The following TCF3 variants were observed in gnomAD, a reference collection of about 807,000 sequenced individuals.
TCF3 encodes the protein transcription factor 3.
A neutral mutation model predicts 72.3 loss-of-function variants in TCF3; 54 were observed. That is an observed-to-expected ratio of 0.75 (90% CI 0.60 to 0.94). The LOEUF (loss-of-function observed/expected upper bound fraction) is 0.94. Among genes scored for constraint, TCF3 ranks in the 40% least tolerant of loss-of-function variants. The pLI, the probability that TCF3 is intolerant of heterozygous loss-of-function variation, is 0.00. For synonymous variants in TCF3, 525 were observed against 412.6 expected (o/e 1.27, Z -3.30); for missense variants, 1,078 against 934.4 (o/e 1.15, Z -2.00).
At chr19:1,630,972 G>A (rs568261812) in intron 5 of TCF3, among the ~76,000 whole-genome samples, 38 of 152,326 alleles carry the variant, frequency 2.5e-4, no homozygotes, top group African/African-American at 8.4e-4. Flanking sequence ...GGAGGAGGGC[G>A]TCCCAGTCAG....
intron 18 of TCF3, chr19:1,612,163 G>T (rs760157962): frequency 2.0e-6 from 3 of 1,525,258 alleles, no homozygotes; most frequent in African/African-American, 1.4e-5. Flanking sequence ...CCTGGGTGTG[G>T]GGAAGGGAGA....
Position 1,614,224 on chromosome 19 carries a change from G to T in TCF3, c.1822+1061C>A, listed in dbSNP as rs2061324362. 6.6e-6 allele frequency among the ~76,000 whole-genome samples: 1 copy of T among 152,250 alleles called. No homozygotes were observed. The highest frequency in any genetic ancestry group is 1.5e-5 in the Non-Finnish European group (1 of 68,042). The stretch of plus-strand genomic sequence containing the variant: ...ACTTGCCTGCCCACCCTGCCTTAGG[G>T]GCCTGAGGGGATCCCTCCAGGTGGT... On this transcript the variant is annotated intron_variant, in intron 18 of 18. Transcript: ENST00000262965. The surrounding 1 kb of genome is among the most constrained non-coding windows in gnomAD (Gnocchi z 5.6).
At chr19:1,648,177 C>T (rs1385870600) in intron 2 of TCF3, among the ~76,000 whole-genome samples, 1 of 152,210 alleles carries the variant, frequency 6.6e-6, no homozygotes, top group Non-Finnish European at 1.5e-5. Flanking sequence ...GTTCCCTGTT[C>T]TCTCACTTTA....
At chr19:1,627,602 C>T (rs1056245941) in intron 5 of TCF3, among the ~76,000 whole-genome samples, 176 bp from the exon 6 acceptor site, 3 of 152,002 alleles carry the variant, frequency 2.0e-5, no homozygotes, top group African/African-American at 4.8e-5. Flanking sequence ...AGCCCTGGCC[C>T]CAGTATGCCC....
At position 1,615,038 on chromosome 19, in the gene TCF3, G is replaced by A. The variant is rs1020148213; in HGVS notation, c.1822+247C>T. Among the ~76,000 whole-genome samples the A allele has an allele frequency of 6.6e-6, 1 of 152,136 alleles. No homozygotes were observed. The highest frequency in any genetic ancestry group is 1.5e-5 in the Non-Finnish European group (1 of 68,026). ...AGAGCCCAGGCCTGAAGGACTAGGGGTCCAGAAAGAGTCCAGTCCTCCCAC... is the reference window on the plus strand; with the variant it reads ...AGAGCCCAGGCCTGAAGGACTAGGGATCCAGAAAGAGTCCAGTCCTCCCAC... On this transcript the variant is annotated intron_variant, in intron 18 of 18. Coordinates refer to ENST00000262965, the MANE Select transcript of TCF3 (RefSeq NM_003200.5). This position sits in a 1 kb window ranked among gnomAD's most constrained non-coding sequence, Gnocchi z 7.3.
chr19:1,640,298 G>A (rs557084201), intron 3 of TCF3, among the ~76,000 whole-genome samples: 185 of 152,302 alleles, frequency 1.2e-3, no homozygotes, highest in African/African-American at 4.3e-3. Context: ...CACTTTGGGA[G>A]GCCGAGGCGG....
At chr19:1,638,432 A>G (rs1405267823) in intron 3 of TCF3, among the ~76,000 whole-genome samples, 1 of 152,114 alleles carries the variant, frequency 6.6e-6, no homozygotes, top group African/African-American at 2.4e-5. Flanking sequence ...ACAGGCGCCC[A>G]CCACCGCGCC....
chr19:1,632,899 G>A (rs1204610248), intron 3 of TCF3, among the ~76,000 whole-genome samples: 1 of 152,212 alleles, frequency 6.6e-6, no homozygotes, highest in East Asian at 1.9e-4. Context: ...GTCCCCACCT[G>A]CCAGTGTGGG....
rs1050213323 is a variant in TCF3, at chr19:1,619,252, C to T, written c.1327-18G>A. ...CCTCCAACCTGCAGGCGTGGGGAGACGGGTGCATCAGGGGGAGCCGGGTCC... is the reference window on the plus strand; with the variant it reads ...CCTCCAACCTGCAGGCGTGGGGAGATGGGTGCATCAGGGGGAGCCGGGTCC... On this transcript the variant is annotated intron_variant, in intron 15 of 18. Transcript: ENST00000262965. 17 of 1,582,870 alleles carry T rather than the reference C, an allele frequency of 1.1e-5. No individual in the cohort carries two copies. The highest frequency in any genetic ancestry group is 5.1e-5 in the Admixed American group (3 of 58,802).
Position 1,611,541 on chromosome 19 carries a change from C to G in TCF3, c.*166G>C. The G allele has an allele frequency of 1.0e-6, 1 of 986,846 alleles. No individual in the cohort carries two copies. Among genetic ancestry groups the G allele is most frequent in the South Asian group, 1.8e-5 (1 of 54,838 alleles). The allele number at this position is 986,846 out of a possible 1,614,324, so 61.1% of individuals were successfully genotyped here. A position where few individuals can be genotyped will look rare whatever the true frequency, so the allele number is the denominator to read the frequency against. On this transcript the variant is annotated 3_prime_UTR_variant, in exon 19 of 19. Coordinates refer to ENST00000262965, the MANE Select transcript of TCF3 (RefSeq NM_003200.5). ...AGGGAGCTCCTGGACCCAGTGTCAC[C>G]TTGGCCGCCCCCATCACTCCGAACC...
rs148928381 is a variant in TCF3 at position 1,620,976 on chromosome 19, C to T, written c.1085G>A (p.Gly362Asp). The T allele has an allele frequency of 1.7e-3, 2,612 of 1,509,448 alleles. No individual in the cohort carries two copies. The highest frequency in any genetic ancestry group is 3.3e-3 in the Admixed American group (135 of 40,660). 93.5% of individuals were successfully genotyped at this position (1,509,448 alleles called of 1,614,324 possible). The part of the protein sequence containing the change: ...SPSTPVGSPQ[G>D]LAGTSQWPRA... ...CCAAAACCCTCACAGACCTGCCAGG[C>T]CCTGGGGGGAGCCCACGGGGGTAGA... The change falls in exon 13 of 19, where the codon GGC (glycine) becomes GAC (aspartate). Residue 362 changes from glycine to aspartate, a missense_variant. Physicochemically the swap from Gly to Asp is moderately conservative, Grantham distance 94. Transcript: ENST00000262965.
At chr19:1,620,027 GGATGCT>G (rs775092151) in intron 13 of TCF3, among the ~76,000 whole-genome samples, 174 bp from the exon 14 acceptor site, 25 of 152,174 alleles carry the variant, frequency 1.6e-4, no homozygotes, top group Non-Finnish European at 3.1e-4. Context: ...CGCCAGGCAG[GGATGCT>G]GGGTGCCCAG....
chr19:1,609,573 G>C lies in TCF3; in HGVS notation c.*2134C>G, dbSNP rs1474484638. On this transcript the variant is annotated 3_prime_UTR_variant, in exon 19 of 19. Coordinates refer to ENST00000262965, the MANE Select transcript of TCF3 (RefSeq NM_003200.5). ...TCTATGCAGAACGCACAGTTCCAGA[G>C]GCTATGGGGCCACTGCCCACCCAGA... 1 of 221,978 alleles carries C rather than the reference G, an allele frequency of 4.5e-6. No homozygotes were observed. Among genetic ancestry groups the C allele is most frequent in the Non-Finnish European group, 9.0e-6 (1 of 111,342 alleles). 13.8% of individuals were successfully genotyped at this position (221,978 alleles called of 1,614,324 possible).
chr19:1,619,248 G>A lies in TCF3; in HGVS notation c.1327-14C>T, dbSNP rs774002511. On this transcript the variant is annotated splice_polypyrimidine_tract_variant and intron_variant, in intron 15 of 18. Transcript: ENST00000262965. ...GCTGCCTCCAACCTGCAGGCGTGGG[G>A]AGACGGGTGCATCAGGGGGAGCCGG... The A allele has an allele frequency of 3.8e-6, 6 of 1,585,716 alleles. No homozygotes were observed. Among genetic ancestry groups the A allele is most frequent in the Non-Finnish European group, 5.1e-6 (6 of 1,172,540 alleles).
Position 1,650,286 on chromosome 19 carries a change from C to T in TCF3, c.-38G>A. ...AGGGCGGGCACCTCAGGCCTGGAAA[C>T]CCTGCTTGGTGGATGTGGGGACAGA... On this transcript the variant is annotated splice_region_variant and 5_prime_UTR_variant, in exon 2 of 19. Transcript: ENST00000262965. 2 of 1,542,472 alleles carry T rather than the reference C, an allele frequency of 1.3e-6. No homozygotes were observed. The highest frequency in any genetic ancestry group is 2.4e-5 in the South Asian group (2 of 84,082).
intron 2 of TCF3, among the ~76,000 whole-genome samples, chr19:1,646,828 G>A (rs1268759651): frequency 6.6e-6 from 1 of 152,252 alleles, no homozygotes; most frequent in African/African-American, 2.4e-5. Flanking sequence ...TCTGAAAAGT[G>A]AGAGGTTTAC....
At chr19:1,649,371 GC>G (rs2066639609) in intron 2 of TCF3, among the ~76,000 whole-genome samples, 1 of 152,228 alleles carries the variant, frequency 6.6e-6, no homozygotes, top group African/African-American at 2.4e-5. Context: ...GGTTGTGTCT[GC>G]CCTGTTCACG....
Position 1,621,879 on chromosome 19 carries a change from G to A in TCF3, c.914C>T (p.Ser305Phe), listed in dbSNP as rs141433039. ...CCCGCTGACAGGCGGCGTGTGGCTG[G>A]AGACGCCGCCGTACGTGGCTCCGGG... ...SAPGATYGGV[S>F]SHTPPVSGAD... Residue 305 changes from serine (S) to phenylalanine (F), a missense_variant, in exon 11 of 19, where the codon TCC becomes TTC. By Grantham distance (155) the Ser-to-Phe change is radical. Coordinates refer to ENST00000262965, the MANE Select transcript of TCF3 (RefSeq NM_003200.5). 6.3e-7 allele frequency: 1 copy of A among 1,594,888 alleles called. No individual in the cohort carries two copies. The highest frequency in any genetic ancestry group is 8.5e-7 in the Non-Finnish European group (1 of 1,172,540).
chr19:1,624,380 G>A (rs1248936927), intron 7 of TCF3, among the ~76,000 whole-genome samples: 1 of 152,182 alleles, frequency 6.6e-6, no homozygotes, highest in Non-Finnish European at 1.5e-5. Flanking sequence ...TGGGGACAGA[G>A]AAAGACTCCG....
Sources: gnomAD v4.1 joint callset for allele counts (sites outside exome capture counted in the v4.1 genomes callset) on GRCh38, gnomAD v4.1.1 for gene constraint, Gnocchi (gnomAD v3.1) non-coding constraint, MANE v1.5 for transcripts, NCBI Gene and HGNC (gene_info 2026-07-23, HGNC 2026-07-21) for gene names.